RAD51B: variants seen among roughly 807,000 people sequenced by gnomAD.
RAD51B encodes the protein RAD51 paralog B.
A neutral mutation model predicts 42.2 loss-of-function variants in RAD51B; 38 were observed. The observed-to-expected ratio is 0.90, with a 90% confidence interval of 0.70 to 1.18. The LOEUF is 1.18. RAD51B is among the 50% of genes most tolerant of loss of function. RAD51B has a pLI of 0.00. For synonymous variants in RAD51B, 154 were observed against 145.2 expected (o/e 1.06, Z -0.43); for missense variants, 373 against 400.7 (o/e 0.93, Z 0.59).
chr14:68,400,993 T>G (rs2084088027), intron 8 of RAD51B, among the ~76,000 whole-genome samples: 1 of 152,116 alleles, frequency 6.6e-6, no homozygotes, highest in South Asian at 2.1e-4. Context: ...TGTTGGGAGT[T>G]GAGCTGATGG....
intron 5 of RAD51B, 102 bp downstream of exon 5, chr14:67,865,241 CTT>C (rs1269999800): frequency 0.011 from 9,204 of 853,426 alleles, no homozygotes; most frequent in South Asian, 0.016. Flanking sequence ...TCCCCCTTGC[CTT>C]TTTTTTTTTT....
chr14:68,016,225 T>TGA (rs1309797635), intron 7 of RAD51B, among the ~76,000 whole-genome samples: 1 of 152,212 alleles, frequency 6.6e-6, no homozygotes, highest in Non-Finnish European at 1.5e-5. Flanking sequence ...ATTGGCAGTT[T>TGA]GAGAGTAAAA....
chr14:68,002,509 T>C (rs1247927546), intron 7 of RAD51B, among the ~76,000 whole-genome samples: 1 of 152,246 alleles, frequency 6.6e-6, no homozygotes, highest in Non-Finnish European at 1.5e-5. Flanking sequence ...TGATAGTTTC[T>C]TTTGCTGTGC....
intron 7 of RAD51B, among the ~76,000 whole-genome samples, chr14:68,056,315 T>A (rs1471437261): frequency 6.6e-6 from 1 of 151,980 alleles, no homozygotes; most frequent in Non-Finnish European, 1.5e-5. Flanking sequence ...GCCTGGCTAA[T>A]TTTTTGTATT....
chr14:68,190,794 G>A (rs1367674199), intron 7 of RAD51B, among the ~76,000 whole-genome samples: 3 of 152,144 alleles, frequency 2.0e-5, no homozygotes, highest in Admixed American at 6.5e-5. Flanking sequence ...GATGTAATCT[G>A]TGCTCAGTAC....
At chr14:68,485,364 G>T (rs1883543621) in intron 10 of RAD51B, among the ~76,000 whole-genome samples, 1 of 152,140 alleles carries the variant, frequency 6.6e-6, no homozygotes, top group Non-Finnish European at 1.5e-5. Context: ...CTAGTGAGTG[G>T]GAAGGAAGAG....
intron 9 of RAD51B, chr14:68,422,127 G>T: frequency 7.0e-7 from 1 of 1,431,220 alleles, no homozygotes; most frequent in Admixed American, 1.7e-5. Flanking sequence ...TCTGCAAACA[G>T]CTCGAAGGAG....
intron 9 of RAD51B, among the ~76,000 whole-genome samples, chr14:68,467,471 G>A (rs2086013720): frequency 6.6e-6 from 1 of 152,196 alleles, no homozygotes; most frequent in Non-Finnish European, 1.5e-5. Context: ...GGTATCTATT[G>A]CCCTTCTTCT....
At chr14:68,248,634 G>A (rs752901701) in intron 7 of RAD51B, among the ~76,000 whole-genome samples, 2 of 152,134 alleles carry the variant, frequency 1.3e-5, no homozygotes, top group Non-Finnish European at 2.9e-5. Context: ...CTACTCTGGG[G>A]AGTGGGTATC....
At chr14:68,592,912 G>A (rs943938663) in intron 10 of RAD51B, among the ~76,000 whole-genome samples, 1 of 139,004 alleles carries the variant, frequency 7.2e-6, no homozygotes, top group African/African-American at 2.6e-5. Flanking sequence ...AGATCAGGAA[G>A]GTCCATGGCC....
At chr14:68,309,258 T>C (rs2081925406) in intron 8 of RAD51B, among the ~76,000 whole-genome samples, 1 of 152,124 alleles carries the variant, frequency 6.6e-6, no homozygotes, top group East Asian at 1.9e-4. Context: ...CTCTGTCTGA[T>C]GGGAAGCATT....
At chr14:68,096,019 G>T (rs1019711168) in intron 7 of RAD51B, among the ~76,000 whole-genome samples, 2 of 148,694 alleles carry the variant, frequency 1.3e-5, no homozygotes, top group African/African-American at 2.5e-5. Context: ...GAAAGGTTAA[G>T]TGATTTTTCG....
intron 8 of RAD51B, among the ~76,000 whole-genome samples, chr14:68,385,592 C>T (rs542212504): frequency 1.6e-4 from 24 of 152,276 alleles, no homozygotes; most frequent in Admixed American, 1.4e-3. Flanking sequence ...TCTAGCATTA[C>T]GAGCATCCAG....
At chr14:68,099,758 A>C in intron 7 of RAD51B, among the ~76,000 whole-genome samples, 1 of 152,200 alleles carries the variant, frequency 6.6e-6, no homozygotes. Flanking sequence ...GGCCCTTGTG[A>C]TAGGAGGGAA....
At chr14:68,374,774 A>G (rs1351977548) in intron 8 of RAD51B, among the ~76,000 whole-genome samples, 2 of 149,250 alleles carry the variant, frequency 1.3e-5, no homozygotes, top group Non-Finnish European at 3.0e-5. Flanking sequence ...TAATGTCAAT[A>G]TTAGCTTTAC....
chr14:68,631,492 C>CG (rs1566959926), intron 10 of RAD51B, among the ~76,000 whole-genome samples: 2 of 152,022 alleles, frequency 1.3e-5, no homozygotes, highest in Non-Finnish European at 2.9e-5. Context: ...GCTCGGAAGC[C>CG]GGGGACAGGC....
At chr14:68,536,728 T>C (rs1236930298) in intron 10 of RAD51B, among the ~76,000 whole-genome samples, 1 of 152,228 alleles carries the variant, frequency 6.6e-6, no homozygotes, top group African/African-American at 2.4e-5. Flanking sequence ...ATTTCCTTAC[T>C]CTTTTAAATA....
intron 7 of RAD51B, among the ~76,000 whole-genome samples, chr14:68,147,061 T>C (rs774229017): frequency 2.6e-5 from 4 of 152,120 alleles, no homozygotes; most frequent in Non-Finnish European, 4.4e-5. Flanking sequence ...CACACTGAAA[T>C]AGTTGTGGTG....
chr14:68,559,442 G>A (rs370897012), intron 10 of RAD51B, among the ~76,000 whole-genome samples: 38 of 150,454 alleles, frequency 2.5e-4, no homozygotes, highest in African/African-American at 7.8e-4. Context: ...GTGCAGTGGC[G>A]TGATCTTGGC....
Sources: gnomAD v4.1 joint callset for allele counts (sites outside exome capture counted in the v4.1 genomes callset) on GRCh38, gnomAD v4.1.1 for gene constraint, MANE v1.5 for transcripts, NCBI Gene and HGNC (gene_info 2026-07-23, HGNC 2026-07-21) for gene names.